Variants in RDX observed in about 807,000 individuals in gnomAD.
The protein encoded by RDX is deafness, autosomal recessive 24.
Under a neutral mutation model 83.7 loss-of-function variants are expected in RDX, and 32 were observed. The observed-to-expected ratio is 0.38, with a 90% CI of 0.29 to 0.51. The LOEUF (loss-of-function observed/expected upper bound fraction) is 0.51, where lower values mean the gene tolerates loss of function less well. Among genes scored for constraint, RDX ranks in the 20% least tolerant of loss-of-function variants. The pLI is 0.87. For missense variants in RDX, 600 were observed against 689.9 expected (o/e 0.87, Z 1.46); for synonymous variants, 229 against 222.7 (o/e 1.03, Z -0.25).
intron 2 of RDX, among the ~76,000 whole-genome samples, chr11:110,277,729 T>C (rs562969760): frequency 6.6e-6 from 1 of 152,292 alleles, no homozygotes; most frequent in East Asian, 1.9e-4. Context: ...AAGAACTTTA[T>C]ATGGCAATTA....
intron 3 of RDX, among the ~76,000 whole-genome samples, chr11:110,268,981 A>T (rs1676529): frequency 0.013 from 1,965 of 149,582 alleles, 19 homozygotes; most frequent in South Asian, 0.018. Context: ...ATATATATAT[A>T]TTTTTTTAAT....
chr11:110,206,513 T>C (rs1173620506), intron 14 of RDX, among the ~76,000 whole-genome samples: 5 of 152,012 alleles, frequency 3.3e-5, no homozygotes, highest in African/African-American at 7.2e-5. Flanking sequence ...CAAACACAGA[T>C]AGTAAAAGCT....
chr11:110,293,703 C>T (rs1037965798), intron 1 of RDX, among the ~76,000 whole-genome samples: 13 of 152,282 alleles, frequency 8.5e-5, no homozygotes, highest in African/African-American at 3.1e-4. Context: ...CCTGCCAGCT[C>T]GTGGTCTGCA....
chr11:110,221,466 C>T (rs984023727), intron 14 of RDX, among the ~76,000 whole-genome samples: 3 of 151,978 alleles, frequency 2.0e-5, no homozygotes, highest in African/African-American at 7.2e-5. Context: ...GGTGTGGTGG[C>T]ACATGCCTGT....
At chr11:110,244,880 G>A (rs1859034293) in intron 10 of RDX, among the ~76,000 whole-genome samples, 1 of 152,038 alleles carries the variant, frequency 6.6e-6, no homozygotes. Context: ...ATCATGTTCA[G>A]GGCACTTATG....
chr11:110,225,131 G>A (rs1385908125), downstream of RDX, among the ~76,000 whole-genome samples: 1 of 152,034 alleles, frequency 6.6e-6, no homozygotes, highest in African/African-American at 2.4e-5. Context: ...AACCATATAC[G>A]TATTCTCTCT....
intron 4 of RDX, 130 bp downstream of exon 4, chr11:110,264,649 G>C: frequency 1.7e-6 from 1 of 588,016 alleles, no homozygotes; most frequent in South Asian, 2.4e-5. Flanking sequence ...AAAAAAACAT[G>C]GTACCTCATA....
intron 14 of RDX, among the ~76,000 whole-genome samples, chr11:110,215,587 G>A (rs942147934): frequency 6.6e-6 from 1 of 152,066 alleles, no homozygotes; most frequent in African/African-American, 2.4e-5. Flanking sequence ...GGTTTGATCA[G>A]GTCACTACCA....
rs1431347664 is a variant in RDX, at chr11:110,237,822, GC to G, written c.1091-171del. ...TCTTGAGACAGGGTCTCGCTCTGTT[GC>G]CCAGGCTGAAGTGCAGAAGCTCACT... On this transcript the variant is annotated intron_variant, in intron 10 of 13. Transcript: ENST00000645495. 5.1e-6 allele frequency: 4 copies of G among 782,966 alleles called. No individual in the cohort carries two copies. In the Admixed American group the frequency reaches 7.9e-5, roughly 15 times the overall value. 48.5% of individuals were successfully genotyped at this position (782,966 alleles called of 1,614,324 possible).
chr11:110,241,217 T>A (rs1865086472), intron 10 of RDX, among the ~76,000 whole-genome samples: 1 of 152,202 alleles, frequency 6.6e-6, no homozygotes, highest in Non-Finnish European at 1.5e-5. Flanking sequence ...ACCATAGCGA[T>A]ATTCTACGAT....
intron 3 of RDX, among the ~76,000 whole-genome samples, 181 bp from the exon 4 acceptor site, chr11:110,265,055 G>A (rs56106946): frequency 5.8e-4 from 81 of 140,308 alleles, no homozygotes; most frequent in Non-Finnish European, 1.2e-3. Flanking sequence ...TCAAATTCAA[G>A]TTTTCTATAC....
At chr11:110,272,055 G>A (rs1462072112) in intron 3 of RDX, among the ~76,000 whole-genome samples, 1 of 152,194 alleles carries the variant, frequency 6.6e-6, no homozygotes, top group Non-Finnish European at 1.5e-5. Context: ...TGAATTTTGT[G>A]TTTAGACTTG....
At chr11:110,211,235 C>T (rs1863824996) in intron 14 of RDX, among the ~76,000 whole-genome samples, 1 of 151,754 alleles carries the variant, frequency 6.6e-6, no homozygotes, top group Non-Finnish European at 1.5e-5. Context: ...TCAAAAGAGA[C>T]AAGGCCATTA....
intron 10 of RDX, among the ~76,000 whole-genome samples, chr11:110,246,540 C>T (rs1050087243): frequency 2.6e-5 from 4 of 151,960 alleles, no homozygotes; most frequent in Admixed American, 6.6e-5. Flanking sequence ...TTCAGGAGGC[C>T]GACGCGGGTG....
chr11:110,243,820 C>T (rs913385456), intron 10 of RDX, among the ~76,000 whole-genome samples: 19 of 151,986 alleles, frequency 1.3e-4, no homozygotes, highest in Admixed American at 5.2e-4. Context: ...TATAAAATAC[C>T]ACTTCACACC....
chr11:110,277,546 C>T (rs1177576686), intron 2 of RDX, among the ~76,000 whole-genome samples: 3 of 152,082 alleles, frequency 2.0e-5, no homozygotes, highest in African/African-American at 7.2e-5. Context: ...TCTCGAACTC[C>T]TGACTTCAAG....
intron 14 of RDX, among the ~76,000 whole-genome samples, chr11:110,217,852 C>T (rs1417465956): frequency 2.8e-5 from 4 of 144,482 alleles, no homozygotes; most frequent in African/African-American, 7.3e-5. Context: ...GCTCTGAGTG[C>T]CTCTTGTTAC....
At chr11:110,229,341 C>A (rs1023370623), downstream of RDX, 2 of 152,386 alleles carry the variant, frequency 1.3e-5, no homozygotes, top group Non-Finnish European at 2.9e-5. Flanking sequence ...TATTTCCTAT[C>A]TACTTCTTAC....
At chr11:110,176,327 G>T (rs994355185) in intron 15 of RDX, among the ~76,000 whole-genome samples, 1 of 152,084 alleles carries the variant, frequency 6.6e-6, no homozygotes, top group East Asian at 1.9e-4. Context: ...GCCTCCTAAG[G>T]TACTGGGATT....
Sources: gnomAD v4.1 joint callset for allele counts (sites outside exome capture counted in the v4.1 genomes callset) on GRCh38, gnomAD v4.1.1 for gene constraint, MANE v1.5 for transcripts, NCBI Gene and HGNC (gene_info 2026-07-23, HGNC 2026-07-21) for gene names.